The following FAM13A variants were observed in gnomAD, a reference collection of about 807,000 sequenced individuals.
The protein encoded by FAM13A is protein FAM13A.
In FAM13A, 76 loss-of-function variants were observed where a neutral mutation model predicts 129.6. The observed-to-expected ratio is 0.59, with a 90% CI of 0.49 to 0.71. FAM13A has a LOEUF of 0.71. Among genes scored for constraint, FAM13A ranks in the 30% least tolerant of loss-of-function variants. The pLI, the probability that FAM13A is intolerant of heterozygous loss-of-function variation, is 0.00. For synonymous variants in FAM13A, 443 were observed against 449.9 expected (o/e 0.98, Z 0.20); for missense variants, 1,108 against 1,249.3 (o/e 0.89, Z 1.70).
intron 7 of FAM13A, among the ~76,000 whole-genome samples, chr4:88,850,376 G>C (rs1452938837): frequency 2.0e-5 from 3 of 151,848 alleles, no homozygotes; most frequent in Non-Finnish European, 4.4e-5. Context: ...CCAACAAGGT[G>C]AAACCCCATC....
At chr4:88,739,270 C>G (rs1739681076) in intron 19 of FAM13A, 145 bp from the exon 20 acceptor site, 6 of 624,430 alleles carry the variant, frequency 9.6e-6, no homozygotes, top group Non-Finnish European at 1.7e-5. Flanking sequence ...TTTATTTAAA[C>G]TGATAATATT....
chr4:89,004,920 CTTTTA>C (rs1560755955), intron 3 of FAM13A, among the ~76,000 whole-genome samples: 1 of 151,402 alleles, frequency 6.6e-6, no homozygotes, highest in Non-Finnish European at 1.5e-5. Flanking sequence ...TTTTTTTTAA[CTTTTA>C]TTTTAGGTTC....
chr4:88,990,418 C>T (rs1418824284), intron 4 of FAM13A: 1 of 152,156 alleles, frequency 6.6e-6, no homozygotes, highest in African/African-American at 2.4e-5. Flanking sequence ...GATCACATTT[C>T]ACGTATCAAA....
intron 3 of FAM13A, among the ~76,000 whole-genome samples, chr4:89,014,800 G>A (rs186059837): frequency 3.9e-5 from 6 of 152,154 alleles, no homozygotes; most frequent in Non-Finnish European, 5.9e-5. Context: ...CGATGACTGC[G>A]TTAACCGCAC....
At chr4:88,834,710 C>T (rs977604211) in intron 7 of FAM13A, among the ~76,000 whole-genome samples, 1 of 152,116 alleles carries the variant, frequency 6.6e-6, no homozygotes, top group African/African-American at 2.4e-5. Flanking sequence ...ATAATTTTAA[C>T]AACTGTAAAT....
At chr4:89,013,397 A>T (rs1011491869) in intron 3 of FAM13A, among the ~76,000 whole-genome samples, 2 of 151,584 alleles carry the variant, frequency 1.3e-5, no homozygotes, top group African/African-American at 4.8e-5. Flanking sequence ...TGAATTATGA[A>T]AAAATAAGTT....
chr4:89,048,023 T>A (rs1417701106), intron 1 of FAM13A, among the ~76,000 whole-genome samples: 2 of 152,168 alleles, frequency 1.3e-5, no homozygotes, highest in African/African-American at 4.8e-5. Context: ...AGAACCCTCA[T>A]TCATCACTGG....
intron 3 of FAM13A, among the ~76,000 whole-genome samples, chr4:89,009,239 C>T (rs574689253): frequency 6.6e-6 from 1 of 152,280 alleles, no homozygotes; most frequent in Admixed American, 6.5e-5. Flanking sequence ...AATATGTGGC[C>T]TGAGTCACGT....
At position 88,903,983 on chromosome 4, in the gene FAM13A, G is replaced by A. The variant is rs193098077; in HGVS notation, c.843+2396C>T. 3.1e-3 allele frequency among the ~76,000 whole-genome samples: 470 copies of A among 152,234 alleles called. 4 individuals carry two copies. The highest frequency in any genetic ancestry group is 0.011 in the African/African-American group (450 of 41,540). On this transcript the variant is annotated intron_variant, in intron 6 of 23. Transcript: ENST00000264344. ...GGACATGAACAGGCACTTCTCAAAA[G>A]AAGACATTTATGTGGCCAACAATCA...
intron 7 of FAM13A, among the ~76,000 whole-genome samples, chr4:88,838,860 A>G (rs1258064164): frequency 6.6e-6 from 1 of 152,230 alleles, no homozygotes; most frequent in Non-Finnish European, 1.5e-5. Context: ...AAACATTGGA[A>G]GATGCAGCTC....
chr4:88,900,629 C>A (rs187552763), intron 6 of FAM13A, among the ~76,000 whole-genome samples: 123 of 152,212 alleles, frequency 8.1e-4, no homozygotes, highest in African/African-American at 2.9e-3. Context: ...GCCTGCCTTG[C>A]AAGAGGTCCT....
chr4:88,925,896 C>G (rs991331060), intron 5 of FAM13A, among the ~76,000 whole-genome samples: 1 of 151,996 alleles, frequency 6.6e-6, no homozygotes, highest in Non-Finnish European at 1.5e-5. Context: ...TTAACTGTAC[C>G]TGGAGGATGG....
At chr4:88,956,599 A>G (rs1044147577) in intron 4 of FAM13A, among the ~76,000 whole-genome samples, 4 of 152,348 alleles carry the variant, frequency 2.6e-5, no homozygotes, top group African/African-American at 9.6e-5. Context: ...AAATTACCAC[A>G]AACTTAGTGG....
chr4:89,000,254 C>T (rs143026232), intron 3 of FAM13A, among the ~76,000 whole-genome samples: 257 of 152,138 alleles, frequency 1.7e-3, no homozygotes, highest in African/African-American at 5.7e-3. Flanking sequence ...ATGTTCATAA[C>T]AGCCAAAAAA....
chr4:88,942,996 T>C (rs1254132430), intron 4 of FAM13A, among the ~76,000 whole-genome samples: 1 of 152,214 alleles, frequency 6.6e-6, no homozygotes, highest in Admixed American at 6.5e-5. Flanking sequence ...CATATTTTCC[T>C]TCTTAGGTTA....
At chr4:88,743,403 T>C (rs1740642483) in intron 19 of FAM13A, among the ~76,000 whole-genome samples, 1 of 152,102 alleles carries the variant, frequency 6.6e-6, no homozygotes, top group Admixed American at 6.6e-5. Context: ...ACCACAAAGG[T>C]GAAAGGTAAA....
Position 88,737,488 on chromosome 4 carries a change from A to G in FAM13A, c.2630T>C (p.Phe877Ser), listed in dbSNP as rs760634703. The change falls in exon 21 of 24, where the codon TTC becomes TCC. Residue 877 changes from phenylalanine to serine, a missense_variant. This residue lies in a region of FAM13A where 529 missense variants were observed against 621.2 expected (regional missense o/e 0.85). Coordinates refer to ENST00000264344, the MANE Select transcript of FAM13A (RefSeq NM_014883.4). Reference sequence around the variant, plus strand: ...GGTCTTCACCTTTATCTCCTTGAAGAAGGAAGCAGTTTCGCCCTCGATAAT... The same window carrying G: ...GGTCTTCACCTTTATCTCCTTGAAGGAGGAAGCAGTTTCGCCCTCGATAAT... ...QPIIEGETASFFKEIKEEEEG... is the reference protein window; with the variant it reads ...QPIIEGETASSFKEIKEEEEG... 1.2e-6 allele frequency: 2 copies of G among 1,614,080 alleles called. No homozygotes were observed. The highest frequency in any genetic ancestry group is 1.7e-6 in the Non-Finnish European group (2 of 1,179,956).
chr4:89,003,523 A>G (rs1019239217), intron 3 of FAM13A, among the ~76,000 whole-genome samples: 1 of 152,076 alleles, frequency 6.6e-6, no homozygotes, highest in African/African-American at 2.4e-5. Flanking sequence ...AGGCAGCAGA[A>G]TCATGGTTAT....
chr4:88,733,908 C>T (rs146172270), intron 21 of FAM13A, among the ~76,000 whole-genome samples: 1,562 of 152,310 alleles, frequency 0.01, 15 homozygotes, highest in Non-Finnish European at 0.014. Flanking sequence ...CCTGAGAGAA[C>T]TTAAAAGTGT....
Sources: allele counts gnomAD v4.1 joint callset (sites outside exome capture counted in the v4.1 genomes callset), GRCh38; gene constraint gnomAD v4.1.1; regional missense constraint gnomAD v4.1.1; transcripts MANE v1.5; gene names NCBI Gene and HGNC (gene_info 2026-07-23, HGNC 2026-07-21).